Variants in SP140 observed in about 807,000 individuals in gnomAD.
SP140 encodes the protein SP140 nuclear body protein.
SP140 carries 81 observed loss-of-function variants against 125.0 expected under a neutral mutation model. The observed-to-expected ratio is 0.65, with a 90% CI of 0.54 to 0.78. The LOEUF is 0.78. Among genes scored for constraint, SP140 ranks in the 30% least tolerant of loss-of-function variants. SP140 has a pLI of 0.00. For missense variants in SP140, 858 were observed against 1,037.0 expected, an observed-to-expected ratio of 0.83 and a Z score of 2.37; for synonymous variants, 312 against 354.0, an observed-to-expected ratio of 0.88 and a Z score of 1.33.
chr2:230,233,356 C>A (rs7557418), intron 1 of SP140, among the ~76,000 whole-genome samples: 22,667 of 152,008 alleles, frequency 0.15, 1,835 homozygotes, highest in Middle Eastern at 0.23. Flanking sequence ...CACTGCACTC[C>A]AGCCTGGGTG....
In SP140 at chr2:230,269,527, A is replaced by G. The variant is rs1190191847; in HGVS notation, c.1241-5A>G. On this transcript the variant is annotated splice_region_variant and splice_polypyrimidine_tract_variant and intron_variant, in intron 12 of 26. Transcript: ENST00000392045. ...TTGGACAATAATTTTCTTGTTTCTC[A>G]TTAGTGTCTAGTGAACTAGAAAATC... The G allele has an allele frequency of 4.0e-5, 64 of 1,581,344 alleles. No homozygotes were observed. Among genetic ancestry groups the G allele is most frequent in the Non-Finnish European group, 5.2e-5 (60 of 1,150,428 alleles).
chr2:230,221,011 G>A (rs893132289), upstream of SP140, among the ~76,000 whole-genome samples: 1 of 151,638 alleles, frequency 6.6e-6, no homozygotes, highest in Non-Finnish European at 1.5e-5. Context: ...GGCCAGGCTC[G>A]GTGGCTCACG....
In SP140 at chr2:230,226,191, TC is replaced by T. The variant is rs556500432; in HGVS notation, c.59+292del. 3.1e-3 allele frequency among the ~76,000 whole-genome samples: 473 copies of T among 152,198 alleles called. 3 individuals carry two copies. Among genetic ancestry groups the T allele is most frequent in the Non-Finnish European group, 5.1e-3 (349 of 67,982 alleles). On this transcript the variant is annotated intron_variant, in intron 1 of 26. Transcript: ENST00000392045. ...GAGGCTTTGTGTAGGATTGGATGATTCCCCGTGACCTCTGAACCCTCTCTTC... is the reference window on the plus strand; with the variant it reads ...GAGGCTTTGTGTAGGATTGGATGATTCCCGTGACCTCTGAACCCTCTCTTC...
chr2:230,268,006 C>T (rs12987163), intron 12 of SP140, among the ~76,000 whole-genome samples: 3,941 of 152,272 alleles, frequency 0.026, 82 homozygotes, highest in Non-Finnish European at 0.043. Context: ...CTTATCAGAC[C>T]TTGACCACCA....
chr2:230,212,487 G>T, intron 1 of SP140: 1 of 1,384,868 alleles, frequency 7.2e-7, no homozygotes, highest in Non-Finnish European at 1.0e-6. Flanking sequence ...AGGGAGAAGA[G>T]TGAATGTTAA....
chr2:230,255,014 A>G (rs917563665), intron 11 of SP140, among the ~76,000 whole-genome samples: 1 of 152,170 alleles, frequency 6.6e-6, no homozygotes, highest in African/African-American at 2.4e-5. Flanking sequence ...CCCAGTATGA[A>G]AAAGGGGGTG....
At chr2:230,223,229 G>A (rs1356704601), upstream of SP140, among the ~76,000 whole-genome samples, 1 of 152,020 alleles carries the variant, frequency 6.6e-6, no homozygotes, top group Non-Finnish European at 1.5e-5. Context: ...TAGAGATGGG[G>A]TTTCACCATG....
chr2:230,285,293 A>C (rs747636804), intron 16 of SP140, among the ~76,000 whole-genome samples: 2 of 152,142 alleles, frequency 1.3e-5, no homozygotes, highest in Non-Finnish European at 2.9e-5. Context: ...AATGATTGTC[A>C]ATTTTGAATC....
At chr2:230,261,138 T>C (rs1000581404) in intron 12 of SP140, among the ~76,000 whole-genome samples, 1 of 152,218 alleles carries the variant, frequency 6.6e-6, no homozygotes, top group Non-Finnish European at 1.5e-5. Context: ...GTAGTTTTCC[T>C]TGTAGAGGTC....
chr2:230,205,154 A>G (rs1331386783), intron 1 of SP140, among the ~76,000 whole-genome samples: 1 of 152,226 alleles, frequency 6.6e-6, no homozygotes, highest in Non-Finnish European at 1.5e-5. Flanking sequence ...GACCTTGTCA[A>G]TATGCTAATA....
At chr2:230,225,646 C>T (rs2046221515), upstream of SP140, 2 of 642,678 alleles carry the variant, frequency 3.1e-6, no homozygotes, top group Non-Finnish European at 2.8e-6. Context: ...TGCTCCTCCT[C>T]CCTTGACTGA....
chr2:230,225,898 C>T lies in SP140; in HGVS notation c.54C>T (p.Asn18=). 1 of 1,613,650 alleles carries T rather than the reference C, an allele frequency of 6.2e-7. No homozygotes were observed. The highest frequency in any genetic ancestry group is 8.5e-7 in the Non-Finnish European group (1 of 1,179,582). ...TGGCAAGTGGAGACAGCAATCTCAA[C>T]TTCAGGTGGGTCATCGTCTCCTTTC... The part of the protein sequence containing the change: ...GQMASGDSNL[N]FRMVAEIQNV... Residue 18 remains asparagine (N), a synonymous_variant, in exon 1 of 27, where the codon AAC becomes AAT. Coordinates refer to ENST00000392045, the MANE Select transcript of SP140 (RefSeq NM_007237.5).
intron 1 of SP140, among the ~76,000 whole-genome samples, chr2:230,233,952 T>G (rs1466180011): frequency 6.6e-6 from 1 of 152,212 alleles, no homozygotes; most frequent in East Asian, 1.9e-4. Context: ...GAAAGGGTCT[T>G]GCACAATCCT....
intron 12 of SP140, among the ~76,000 whole-genome samples, chr2:230,269,019 G>C (rs1051162286): frequency 1.3e-5 from 2 of 152,206 alleles, no homozygotes; most frequent in Non-Finnish European, 1.5e-5. Context: ...TTTATAGAGA[G>C]TTTTAGGAAG....
rs760121119 is a variant in SP140 at position 230,312,567 on chromosome 2, G to A, written c.2506-19G>A. The A allele has an allele frequency of 4.3e-5, 65 of 1,523,862 alleles. No homozygotes were observed. Among genetic ancestry groups the A allele is most frequent in the Middle Eastern group, 1.7e-4 (1 of 5,912 alleles). The allele number at this position is 1,523,862 out of a possible 1,614,324, so 94.4% of individuals were successfully genotyped here. ...GCTAATGATGAGGAGCATTGTTTTT[G>A]TCTTTATTATTTTTTCAGTACAAGG... On this transcript the variant is annotated intron_variant, in intron 26 of 26. Transcript: ENST00000392045.
At chr2:230,250,056 A>T (rs1345534990) in intron 9 of SP140, among the ~76,000 whole-genome samples, 1 of 152,188 alleles carries the variant, frequency 6.6e-6, no homozygotes, top group African/African-American at 2.4e-5. Flanking sequence ...TCTTTCAGGA[A>T]CTACACACAT....
At position 230,270,790 on chromosome 2, in the gene SP140, T is replaced by A. The variant is rs1318056013; in HGVS notation, c.1498+151T>A. ...CCTCCCTAAGATGTCTACCTCCTAA[T>A]CCCTGGACCTGTAATCTGCTATCTT... On this transcript the variant is annotated intron_variant, in intron 15 of 26. Coordinates refer to ENST00000392045, the MANE Select transcript of SP140 (RefSeq NM_007237.5). 6.7e-6 allele frequency: 5 copies of A among 743,258 alleles called. No individual in the cohort carries two copies. The Admixed American group carries it at 1.0e-4, about 15-fold the overall frequency. The allele number at this position is 743,258 out of a possible 1,614,324, so 46.0% of individuals were successfully genotyped here.
At chr2:230,312,489 T>TA (rs2059409558) in intron 26 of SP140, 97 bp from the exon 27 acceptor site, 1 of 786,984 alleles carries the variant, frequency 1.3e-6, no homozygotes, top group Non-Finnish European at 2.0e-6. Context: ...ACAGTACTTT[T>TA]TTTTTTAAAG....
chr2:230,218,763 A>G (rs993111884), intron 3 of SP140, among the ~76,000 whole-genome samples: 7 of 152,234 alleles, frequency 4.6e-5, no homozygotes, highest in African/African-American at 1.7e-4. Flanking sequence ...TACATCTCAT[A>G]TATGACTGTT....
Sources: gnomAD v4.1 joint callset for allele counts (sites outside exome capture counted in the v4.1 genomes callset) on GRCh38, gnomAD v4.1.1 for gene constraint, MANE v1.5 for transcripts, NCBI Gene and HGNC (gene_info 2026-07-23, HGNC 2026-07-21) for gene names.